Variants in ADARB1 observed in about 807,000 individuals in gnomAD.
ADARB1 encodes double-stranded RNA-specific editase 1.
ADARB1 carries 10 observed loss-of-function variants against 52.4 expected under a neutral mutation model. The ratio of observed to expected loss-of-function variants is 0.19; its 90% CI spans 0.12 to 0.32. The LOEUF (loss-of-function observed/expected upper bound fraction) is 0.32, where lower values mean the gene tolerates loss of function less well. ADARB1 is among the 10% of genes least tolerant of loss of function. The pLI, the probability that ADARB1 is intolerant of heterozygous loss-of-function variation, is 1.00. For synonymous variants in ADARB1, 349 were observed against 371.1 expected (o/e 0.94, Z 0.68); for missense variants, 643 against 922.3 (o/e 0.70, Z 3.92).
chr21:45,081,431 G>A (rs3788154), intron 1 of ADARB1, among the ~76,000 whole-genome samples: 12,930 of 152,216 alleles, frequency 0.085, 644 homozygotes, highest in East Asian at 0.16. Flanking sequence ...TAAGTACTTT[G>A]TTATAAAATA....
Position 45,220,733 on chromosome 21 carries a change from G to T in ADARB1, c.1748-103G>T. On this transcript the variant is annotated intron_variant, in intron 9 of 10. Coordinates refer to ENST00000348831, the MANE Select transcript of ADARB1 (RefSeq NM_001112.4). The surrounding 1 kb of genome is among the most constrained non-coding windows in gnomAD (Gnocchi z 6.3). ...TCGGCAGGCAGAATTCCCCCACCAC[G>T]CACTTCTGTGGCCATGTCTGAGCAC... 1 of 1,247,466 alleles carries T rather than the reference G, an allele frequency of 8.0e-7. No homozygotes were observed. The highest frequency in any genetic ancestry group is 1.1e-6 in the Non-Finnish European group (1 of 878,734). The allele number at this position is 1,247,466 out of a possible 1,614,324, so 77.3% of individuals were successfully genotyped here.
rs75304499 is a variant in ADARB1, at chr21:45,152,654, A to G, written c.-47-18956A>G. On this transcript the variant is annotated intron_variant, in intron 2 of 10. Transcript: ENST00000348831. ...GCCTTTGCACATGGGGACCTTTTTCAGCATCATGGGGCGTCGGTATAAAAG... is the reference window on the plus strand; with the variant it reads ...GCCTTTGCACATGGGGACCTTTTTCGGCATCATGGGGCGTCGGTATAAAAG... The G allele has an allele frequency of 4.8e-3, 2,153 of 451,680 alleles. 46 individuals are homozygous for G. The highest frequency in any genetic ancestry group is 0.04 in the African/African-American group (1,981 of 49,956). The allele number at this position is 451,680 out of a possible 1,614,324, so 28.0% of individuals were successfully genotyped here.
intron 1 of ADARB1, among the ~76,000 whole-genome samples, chr21:45,109,924 A>G (rs1244141585): frequency 2.6e-5 from 4 of 152,170 alleles, no homozygotes; most frequent in South Asian, 2.1e-4. Flanking sequence ...TTTTGTCGCT[A>G]TAGACATTAG....
At position 45,074,742 on chromosome 21, in the gene ADARB1, G is replaced by T; in HGVS notation, c.-271G>T. 6.8e-6 allele frequency: 1 copy of T among 146,670 alleles called. No individual in the cohort carries two copies. The highest frequency in any genetic ancestry group is 1.9e-4 in the South Asian group (1 of 5,296). The allele number at this position is 146,670 out of a possible 1,614,324, so 9.1% of individuals were successfully genotyped here. On this transcript the variant is annotated 5_prime_UTR_variant, in exon 1 of 11. Coordinates refer to ENST00000348831, the MANE Select transcript of ADARB1 (RefSeq NM_001112.4). Reference sequence around the variant, plus strand: ...CGCCGCCCGGCGCGAGACTGCGGCCGAAGCGTGGGGCGCGCGTGCGGAGGA... The same window carrying T: ...CGCCGCCCGGCGCGAGACTGCGGCCTAAGCGTGGGGCGCGCGTGCGGAGGA...
At chr21:45,174,741 A>G (rs2091626243) in intron 3 of ADARB1, among the ~76,000 whole-genome samples, 1 of 152,124 alleles carries the variant, frequency 6.6e-6, no homozygotes. Context: ...ATAAATCCAT[A>G]AATAAATAAA....
In ADARB1 at chr21:45,226,532, G is replaced by A. The variant is rs551876867; in HGVS notation, c.*4335G>A. ...CAAATACAGACAAAGGATTTGAGAT[G>A]TTCTCAATAAAAAGAAAATGTTTCA... On this transcript the variant is annotated 3_prime_UTR_variant, in exon 11 of 11. Coordinates refer to ENST00000348831, the MANE Select transcript of ADARB1 (RefSeq NM_001112.4). The A allele has an allele frequency of 2.6e-5, 4 of 152,762 alleles. No individual in the cohort carries two copies. The highest frequency in any genetic ancestry group is 5.9e-5 in the Non-Finnish European group (4 of 68,036). 9.5% of individuals were successfully genotyped at this position (152,762 alleles called of 1,614,324 possible). A position where few individuals can be genotyped will look rare whatever the true frequency, so the allele number is the denominator to read the frequency against.
Position 45,176,087 on chromosome 21 carries a change from A to C in ADARB1, c.386A>C (p.Lys129Thr), listed in dbSNP as rs1289097054. 6.2e-7 allele frequency: 1 copy of C among 1,613,790 alleles called. No individual in the cohort carries two copies. The highest frequency in any genetic ancestry group is 8.5e-7 in the Non-Finnish European group (1 of 1,179,924). Residue 129 changes from lysine to threonine, a missense_variant, in exon 4 of 11, where the codon AAG (lysine) becomes ACG (threonine). Physicochemically the swap from Lys to Thr is moderately conservative, Grantham distance 78. Coordinates refer to ENST00000348831, the MANE Select transcript of ADARB1 (RefSeq NM_001112.4). This position sits in a 1 kb window ranked among gnomAD's most constrained non-coding sequence, Gnocchi z 5.8. ...GAGGGCTCTGGTCCCACAAAGAAAA[A>C]GGCAAAACTCCATGCTGCTGAGAAG... ...VFEGSGPTKK[K>T]AKLHAAEKAL...
At chr21:45,153,239 T>G (rs1325731021) in intron 2 of ADARB1, among the ~76,000 whole-genome samples, 1 of 152,092 alleles carries the variant, frequency 6.6e-6, no homozygotes, top group African/African-American at 2.4e-5. Flanking sequence ...CATTAAAATC[T>G]AGATTTTTTT....
intron 1 of ADARB1, among the ~76,000 whole-genome samples, chr21:45,097,099 G>A (rs561878889): frequency 2.0e-5 from 3 of 151,790 alleles, no homozygotes; most frequent in African/African-American, 7.3e-5. Flanking sequence ...TCTTTTTCTT[G>A]TTTTCTGCTG....
At chr21:45,183,597 T>G (rs1224753826) in intron 7 of ADARB1, 87 bp downstream of exon 7, 1 of 1,455,796 alleles carries the variant, frequency 6.9e-7, no homozygotes, top group Non-Finnish European at 9.3e-7. Context: ...CCTTTTCCTT[T>G]TTTTCTTTTT....
At chr21:45,093,382 C>T (rs916442297) in intron 1 of ADARB1, among the ~76,000 whole-genome samples, 3 of 152,186 alleles carry the variant, frequency 2.0e-5, no homozygotes, top group African/African-American at 7.2e-5. Context: ...CTAGGTCTGG[C>T]GACTGCTCCC....
intron 2 of ADARB1, chr21:45,146,007 A>T (rs1365285524): frequency 6.6e-6 from 1 of 152,144 alleles, no homozygotes; most frequent in East Asian, 1.9e-4. Flanking sequence ...CTACGGCCAG[A>T]TGGCTGTTGT....
chr21:45,105,147 C>CTGG (rs2087193059), intron 1 of ADARB1, among the ~76,000 whole-genome samples: 1 of 152,058 alleles, frequency 6.6e-6, no homozygotes, highest in African/African-American at 2.4e-5. Flanking sequence ...GTCACCCAGG[C>CTGG]TGGAGAGCAG....
At chr21:45,080,181 A>T (rs1353479490) in intron 1 of ADARB1, among the ~76,000 whole-genome samples, 2 of 151,710 alleles carry the variant, frequency 1.3e-5, no homozygotes, top group Non-Finnish European at 2.9e-5. Context: ...AGTGTAGACG[A>T]CTCTCTAGAG....
At chr21:45,189,404 A>C (rs2092216644) in intron 8 of ADARB1, among the ~76,000 whole-genome samples, 1 of 152,190 alleles carries the variant, frequency 6.6e-6, no homozygotes, top group African/African-American at 2.4e-5. Flanking sequence ...GTCACAAATT[A>C]CATCTTTATA....
chr21:45,172,185 G>A lies in ADARB1; in HGVS notation c.28+501G>A, dbSNP rs886562722. 6.6e-6 allele frequency among the ~76,000 whole-genome samples: 1 copy of A among 152,170 alleles called. No individual in the cohort carries two copies. Among genetic ancestry groups the A allele is most frequent in the Admixed American group, 6.5e-5 (1 of 15,280 alleles). On this transcript the variant is annotated intron_variant, in intron 3 of 10. Coordinates refer to ENST00000348831, the MANE Select transcript of ADARB1 (RefSeq NM_001112.4). The surrounding 1 kb of genome is among the most constrained non-coding windows in gnomAD (Gnocchi z 4.4). ...AAGGTGCTAATGAGAGCTGGGACTG[G>A]TGTGGGCCTCCTCCTTCCGTGCTGT... is the stretch of plus-strand genomic sequence containing the variant.
chr21:45,117,656 A>G (rs569217965), intron 1 of ADARB1, among the ~76,000 whole-genome samples: 3 of 152,308 alleles, frequency 2.0e-5, no homozygotes, highest in Non-Finnish European at 2.9e-5. Flanking sequence ...ACAAGAACAT[A>G]TTATTCTGTC....
chr21:45,126,643 G>A (rs1420463756), intron 1 of ADARB1, among the ~76,000 whole-genome samples: 1 of 152,180 alleles, frequency 6.6e-6, no homozygotes, highest in East Asian at 1.9e-4. Context: ...TGAGGTCTAG[G>A]GTGGTGGCCT....
intron 2 of ADARB1, among the ~76,000 whole-genome samples, chr21:45,161,813 A>G (rs373273955): frequency 3.3e-3 from 501 of 152,266 alleles, no homozygotes; most frequent in African/African-American, 0.012. Context: ...CCATGCACCA[A>G]TCAGCACACA....
Sources: gnomAD v4.1 joint callset for allele counts (sites outside exome capture counted in the v4.1 genomes callset) on GRCh38, gnomAD v4.1.1 for gene constraint, Gnocchi (gnomAD v3.1) non-coding constraint, MANE v1.5 for transcripts, NCBI Gene and HGNC (gene_info 2026-07-23, HGNC 2026-07-21) for gene names.